The following THOC5 variants were observed in gnomAD, a reference collection of about 807,000 sequenced individuals.
THOC5 encodes Fms-interacting protein.
In THOC5, 43 loss-of-function variants were observed where a neutral mutation model predicts 92.9. The observed-to-expected ratio is 0.46, with a 90% CI of 0.36 to 0.60. The LOEUF (loss-of-function observed/expected upper bound fraction) is 0.60. THOC5 is among the 20% of genes least tolerant of loss of function. The pLI, the probability that THOC5 is intolerant of heterozygous loss-of-function variation, is 0.00. For missense variants in THOC5, 659 were observed against 849.4 expected, an observed-to-expected ratio of 0.78 and a Z score of 2.79; for synonymous variants, 296 against 320.1, an observed-to-expected ratio of 0.92 and a Z score of 0.80.
chr22:29,519,468 C>T (rs1185403989), intron 14 of THOC5, among the ~76,000 whole-genome samples: 2 of 152,338 alleles, frequency 1.3e-5, no homozygotes, highest in East Asian at 3.9e-4. Flanking sequence ...AGAGCAAGGA[C>T]TCAAGTTGCC....
In THOC5 at chr22:29,521,022, T is replaced by C. The variant is rs1182268471; in HGVS notation, c.1253A>G (p.Asn418Ser). The change falls in exon 13 of 20, where the codon AAT becomes AGT. Residue 418 changes from asparagine to serine, a missense_variant. By Grantham distance (46) the Asn-to-Ser change is conservative. Transcript: ENST00000490103. ...DHGKKTPNPA[N>S]QYQFDKVGIL... ...CCCAACTTTATCAAACTGATACTGA[T>C]TGGCTGGATTCGGAGTTTTCTTTCC... 5 of 1,614,164 alleles carry C rather than the reference T, an allele frequency of 3.1e-6. No homozygotes were observed. Among genetic ancestry groups the C allele is most frequent in the Admixed American group, 1.7e-5 (1 of 60,014 alleles).
rs1248975748 is a variant in THOC5 at position 29,517,447 on chromosome 22, C to T, written c.1490-81G>A. 9 of 1,277,988 alleles carry T rather than the reference C, an allele frequency of 7.0e-6. No individual in the cohort carries two copies. In the Admixed American group the frequency reaches 9.9e-5, roughly 14 times the overall value. 79.2% of individuals were successfully genotyped at this position (1,277,988 alleles called of 1,614,324 possible). A position where few individuals can be genotyped will look rare whatever the true frequency, so the allele number is the denominator to read the frequency against. On this transcript the variant is annotated intron_variant, in intron 15 of 19. Coordinates refer to ENST00000490103, the MANE Select transcript of THOC5 (RefSeq NM_003678.5). ...GTAACTAGCATCCTCCTGGGGCTCT[C>T]TGAAGGGCTCAGATGGCCCGGCCAG... is the stretch of plus-strand genomic sequence containing the variant.
intron 17 of THOC5, among the ~76,000 whole-genome samples, chr22:29,516,097 C>T (rs142452817): frequency 0.019 from 2,755 of 148,852 alleles, 72 homozygotes; most frequent in African/African-American, 0.065. Flanking sequence ...GAGCTATGAT[C>T]GTGCCACTGC....
At chr22:29,541,343 T>C (rs773447208) in intron 5 of THOC5, among the ~76,000 whole-genome samples, 10 of 151,068 alleles carry the variant, frequency 6.6e-5, no homozygotes, top group Non-Finnish European at 1.3e-4. Flanking sequence ...CTATCACTAC[T>C]AAAAATACAA....
intron 17 of THOC5, among the ~76,000 whole-genome samples, chr22:29,513,559 A>C (rs1425826834): frequency 6.6e-6 from 1 of 152,058 alleles, no homozygotes; most frequent in African/African-American, 2.4e-5. Flanking sequence ...CTAGTGGGAC[A>C]TGCTTGTAAT....
intron 10 of THOC5, 71 bp from the exon 11 acceptor site, chr22:29,528,248 C>A: frequency 6.2e-7 from 1 of 1,614,040 alleles, no homozygotes; most frequent in Non-Finnish European, 8.5e-7. Flanking sequence ...CCCAACCAGC[C>A]AGGCCTCAGC....
At chr22:29,541,685 C>A (rs2063887051) in intron 5 of THOC5, among the ~76,000 whole-genome samples, 1 of 149,406 alleles carries the variant, frequency 6.7e-6, no homozygotes, top group South Asian at 2.1e-4. Context: ...CACGGTGAAA[C>A]CCTGTCTCTA....
At chr22:29,509,174 GC>G (rs1191408072) in intron 19 of THOC5, among the ~76,000 whole-genome samples, 5 of 151,018 alleles carry the variant, frequency 3.3e-5, no homozygotes, top group Non-Finnish European at 5.9e-5. Context: ...ACACAACAAA[GC>G]CCTTCAAGAA....
intron 9 of THOC5, chr22:29,528,804 G>A: frequency 2.0e-6 from 1 of 496,750 alleles, no homozygotes. Context: ...TAACTTGAGG[G>A]GGTACTATGT....
chr22:29,534,058 T>C (rs1396721064), intron 7 of THOC5, among the ~76,000 whole-genome samples: 4 of 152,216 alleles, frequency 2.6e-5, no homozygotes, highest in South Asian at 2.1e-4. Flanking sequence ...AGCAGCATTA[T>C]TGAAATGGCC....
intron 9 of THOC5, 155 bp downstream of exon 9, chr22:29,529,007 A>G (rs2063600003): frequency 9.9e-6 from 7 of 708,728 alleles, no homozygotes; most frequent in Middle Eastern, 4.1e-4. Flanking sequence ...GACTCCGGGA[A>G]GTGAGCTCTC....
In THOC5 at chr22:29,528,664, G is replaced by A. The variant is rs564820784; in HGVS notation, c.926-198C>T. 7.9e-5 allele frequency among the ~76,000 whole-genome samples: 12 copies of A among 152,026 alleles called. No homozygotes were observed. The East Asian group carries it at 1.4e-3, about 17-fold the overall frequency. ...TGAAAAAAGAAAAAAGAAGAATGAC[G>A]TATAACTCATTTTTTTCAAAGGGCT... On this transcript the variant is annotated intron_variant, in intron 9 of 19. Coordinates refer to ENST00000490103, the MANE Select transcript of THOC5 (RefSeq NM_003678.5).
intron 11 of THOC5, among the ~76,000 whole-genome samples, chr22:29,527,688 T>C (rs931725173): frequency 3.3e-5 from 5 of 152,322 alleles, no homozygotes; most frequent in Admixed American, 2.0e-4. Flanking sequence ...AACATTTTAT[T>C]ATATGGTACT....
intron 7 of THOC5, among the ~76,000 whole-genome samples, 180 bp from the exon 8 acceptor site, chr22:29,532,143 C>T (rs909102017): frequency 6.6e-6 from 1 of 152,108 alleles, no homozygotes; most frequent in Non-Finnish European, 1.5e-5. Context: ...TAGCAACAAA[C>T]AGTAAGGAAA....
chr22:29,517,333 T>G lies in THOC5; in HGVS notation c.1523A>C (p.Gln508Pro), dbSNP rs779508937. The G allele has an allele frequency of 3.0e-5, 48 of 1,614,100 alleles. No individual in the cohort carries two copies. The highest frequency in any genetic ancestry group is 4.1e-5 in the Non-Finnish European group (48 of 1,180,042). ...HGIVPVTSDCQYLFPAKVVSR... is the reference protein window; with the variant it reads ...HGIVPVTSDCPYLFPAKVVSR... ...GACAACCTTGGCAGGGAAGAGGTAC[T>G]GGCAATCACTGGTAACTGGCACAAT... is the stretch of plus-strand genomic sequence containing the variant. Residue 508 changes from glutamine to proline, a missense_variant, in exon 16 of 20, where the codon CAG (glutamine) becomes CCG (proline). Coordinates refer to ENST00000490103, the MANE Select transcript of THOC5 (RefSeq NM_003678.5).
At chr22:29,517,812 A>C (rs2008880) in intron 15 of THOC5, among the ~76,000 whole-genome samples, 136,186 of 152,240 alleles carry the variant, frequency 0.89, 61,160 homozygotes, top group African/African-American at 0.97. Context: ...GCTGGCATTT[A>C]AATAAGCAAA....
chr22:29,536,860 A>G, intron 6 of THOC5, 122 bp from the exon 7 acceptor site: 1 of 674,996 alleles, frequency 1.5e-6, no homozygotes. Context: ...TTTATCCAGC[A>G]CTCAATGTGT....
intron 19 of THOC5, among the ~76,000 whole-genome samples, chr22:29,510,015 C>A (rs546087972): frequency 6.6e-6 from 1 of 152,336 alleles, no homozygotes; most frequent in African/African-American, 2.4e-5. Context: ...CCAAACACTG[C>A]TCCCCGCCAA....
intron 2 of THOC5, among the ~76,000 whole-genome samples, chr22:29,546,356 T>C (rs2064019226): frequency 6.6e-6 from 1 of 152,214 alleles, no homozygotes; most frequent in African/African-American, 2.4e-5. Context: ...TTAGGCTCCT[T>C]GCTACTTATG....
Sources: allele counts gnomAD v4.1 joint callset (sites outside exome capture counted in the v4.1 genomes callset), GRCh38; gene constraint gnomAD v4.1.1; transcripts MANE v1.5; gene names NCBI Gene and HGNC (gene_info 2026-07-23, HGNC 2026-07-21).